The following SHISA6 variants were observed in gnomAD, a reference collection of about 807,000 sequenced individuals.
SHISA6 encodes protein shisa-6.
In SHISA6, 22 loss-of-function variants were observed where a neutral mutation model predicts 47.9. The ratio of observed to expected loss-of-function variants is 0.46; its 90% CI spans 0.33 to 0.66. The LOEUF (loss-of-function observed/expected upper bound fraction) is 0.66. Among genes scored for constraint, SHISA6 ranks in the 30% least tolerant of loss-of-function variants. The pLI is 0.02. For synonymous variants in SHISA6, 388 were observed against 337.8 expected, an observed-to-expected ratio of 1.15 and a Z score of -1.63; for missense variants, 680 against 764.6, an observed-to-expected ratio of 0.89 and a Z score of 1.30.
intron 2 of SHISA6, among the ~76,000 whole-genome samples, chr17:11,291,468 T>C (rs1385370388): frequency 6.6e-6 from 1 of 151,896 alleles, no homozygotes; most frequent in East Asian, 1.9e-4. Flanking sequence ...ACCCCGTCTC[T>C]ACTGAAAATA....
intron 3 of SHISA6, among the ~76,000 whole-genome samples, chr17:11,417,044 T>A (rs955250549): frequency 6.6e-6 from 1 of 152,200 alleles, no homozygotes; most frequent in Non-Finnish European, 1.5e-5. Context: ...AATAAAATTA[T>A]ATGAAATCTG....
At chr17:11,445,720 C>G (rs1915209295) in intron 3 of SHISA6, among the ~76,000 whole-genome samples, 1 of 152,198 alleles carries the variant, frequency 6.6e-6, no homozygotes, top group Non-Finnish European at 1.5e-5. Flanking sequence ...GAGGTAATAA[C>G]TACAAACAAA....
intron 1 of SHISA6, among the ~76,000 whole-genome samples, chr17:11,262,362 G>C (rs762225796): frequency 6.6e-6 from 1 of 152,146 alleles, no homozygotes; most frequent in African/African-American, 2.4e-5. Flanking sequence ...TGTGCAAAAC[G>C]GGAGTGCATT....
At chr17:11,434,488 C>G (rs969058887) in intron 3 of SHISA6, among the ~76,000 whole-genome samples, 17 of 152,146 alleles carry the variant, frequency 1.1e-4, no homozygotes, top group Non-Finnish European at 2.2e-4. Flanking sequence ...CATGATCTCC[C>G]CAGCCATTTG....
intron 2 of SHISA6, among the ~76,000 whole-genome samples, chr17:11,264,653 T>C (rs7216441): frequency 0.14 from 20,774 of 152,190 alleles, 1,990 homozygotes; most frequent in African/African-American, 0.27. Flanking sequence ...GGATGGGCAA[T>C]GTGATCTGAA....
chr17:11,379,427 G>C lies in SHISA6; in HGVS notation c.813G>C (p.Lys271Asn). 1 of 1,539,148 alleles carries C rather than the reference G, an allele frequency of 6.5e-7. No individual in the cohort carries two copies. The highest frequency in any genetic ancestry group is 8.8e-7 in the Non-Finnish European group (1 of 1,141,778). The change falls in exon 3 of 6, where the codon AAG becomes AAC. Residue 271 changes from lysine to asparagine, a missense_variant. Lys to Asn is a moderately conservative substitution (Grantham distance 94). This residue lies in a region of SHISA6 where 559 missense variants were observed against 674.1 expected (regional missense o/e 0.83). Transcript: ENST00000441885. Reference protein sequence around the residue: ...TAKQTPGHYGKDAYRSGGPDL... With the variant: ...TAKQTPGHYGNDAYRSGGPDL... ...ATCTTCTTGCAGGGCATTATGGGAA[G>C]GATGCTTACCGAAGTGGAGGACCTG...
rs1393395671 is a variant in SHISA6 at position 11,346,198 on chromosome 17, G to T, written c.800-33216G>T. On this transcript the variant is annotated intron_variant, in intron 2 of 5. Coordinates refer to ENST00000441885, the MANE Select transcript of SHISA6 (RefSeq NM_207386.4). ...GTCAGGTGCTTTTTCTGCATCTTTTGAGATAATCATATGGGTTTTTTGTTG... is the reference window on the plus strand; with the variant it reads ...GTCAGGTGCTTTTTCTGCATCTTTTTAGATAATCATATGGGTTTTTTGTTG... Among the ~76,000 whole-genome samples the T allele has an allele frequency of 3.3e-5, 5 of 152,170 alleles. No homozygotes were observed. In the East Asian group the frequency reaches 9.7e-4, roughly 29 times the overall value.
chr17:11,255,941 C>T (rs760937887), intron 1 of SHISA6, among the ~76,000 whole-genome samples: 2 of 152,246 alleles, frequency 1.3e-5, no homozygotes, highest in Admixed American at 6.5e-5. Flanking sequence ...GCCTCGTAAG[C>T]ACTTTACAAC....
At chr17:11,344,331 A>C (rs1335371414) in intron 2 of SHISA6, among the ~76,000 whole-genome samples, 1 of 152,180 alleles carries the variant, frequency 6.6e-6, no homozygotes, top group African/African-American at 2.4e-5. Context: ...AATATGATGA[A>C]ATACATTTTA....
intron 3 of SHISA6, among the ~76,000 whole-genome samples, chr17:11,521,834 C>G (rs1020568163): frequency 6.6e-6 from 1 of 152,086 alleles, no homozygotes; most frequent in African/African-American, 2.4e-5. Context: ...TAGACTATAT[C>G]TCTTATCTCT....
chr17:11,330,916 C>T (rs1481638747), intron 2 of SHISA6, among the ~76,000 whole-genome samples: 2 of 152,146 alleles, frequency 1.3e-5, no homozygotes, highest in Admixed American at 6.5e-5. Flanking sequence ...AAGTATCTCA[C>T]GTATAGTGAC....
chr17:11,549,484 G>A (rs1027180723), intron 3 of SHISA6, among the ~76,000 whole-genome samples: 1 of 152,266 alleles, frequency 6.6e-6, no homozygotes, highest in East Asian at 1.9e-4. Flanking sequence ...ATAGTGTCTG[G>A]CAAATGGTAG....
intron 2 of SHISA6, among the ~76,000 whole-genome samples, chr17:11,314,847 G>A (rs1009356698): frequency 8.6e-5 from 13 of 152,012 alleles, no homozygotes; most frequent in South Asian, 6.2e-4. Flanking sequence ...GCCCATGCTC[G>A]TTTTTTCAAT....
chr17:11,555,664 CAG>C (rs2071970815), intron 4 of SHISA6, 74 bp from the exon 5 acceptor site: 5 of 1,425,710 alleles, frequency 3.5e-6, no homozygotes, highest in East Asian at 2.6e-5. Flanking sequence ...GGATTCGAAT[CAG>C]GGGTGAGGCA....
intron 2 of SHISA6, among the ~76,000 whole-genome samples, chr17:11,368,688 G>T (rs1912532276): frequency 1.3e-5 from 2 of 152,050 alleles, no homozygotes; most frequent in Non-Finnish European, 2.9e-5. Context: ...ACAGAGTCTT[G>T]CTCTGTCGCC....
At position 11,259,717 on chromosome 17, in the gene SHISA6, A is replaced by G. The variant is rs373587258; in HGVS notation, c.639-3649A>G. ...AAATACATAATTGGTATTGAACTGA[A>G]TCACTCATTTACTAATTGTTTCTCC... On this transcript the variant is annotated intron_variant, in intron 1 of 5. Transcript: ENST00000441885. Among the ~76,000 whole-genome samples the G allele has an allele frequency of 1.4e-4, 22 of 152,380 alleles. No homozygotes were observed. The East Asian group carries it at 2.9e-3, about 20-fold the overall frequency.
At chr17:11,402,929 G>C (rs550130756) in intron 3 of SHISA6, among the ~76,000 whole-genome samples, 1 of 152,294 alleles carries the variant, frequency 6.6e-6, no homozygotes, top group South Asian at 2.1e-4. Flanking sequence ...TGCACACTGT[G>C]GAAATAATTC....
At chr17:11,379,561 C>T (rs970131648) in intron 3 of SHISA6, 52 bp downstream of exon 3, 11 of 1,283,572 alleles carry the variant, frequency 8.6e-6, no homozygotes, top group Non-Finnish European at 1.1e-5. Context: ...TAGGGAACGC[C>T]ATCTGAAATG....
At position 11,300,149 on chromosome 17, in the gene SHISA6, C is replaced by CAAAA. The variant is rs56060137; in HGVS notation, c.799+36636_799+36639dup. Among the ~76,000 whole-genome samples, 180 of 129,180 alleles carry CAAAA rather than the reference C, an allele frequency of 1.4e-3. 2 individuals are homozygous for CAAAA. Among genetic ancestry groups the CAAAA allele is most frequent in the Middle Eastern group, 4.3e-3 (1 of 234 alleles). 84.7% of individuals were successfully genotyped at this position (129,180 alleles called of 152,430 possible). A position where few individuals can be genotyped will look rare whatever the true frequency, so the allele number is the denominator to read the frequency against. ...GACAGAGCAAGACTCCATCTTAAAA[C>CAAAA]AAAAAAAAAAAAAAAAGAAAAACAA... On this transcript the variant is annotated intron_variant, in intron 2 of 5. Coordinates refer to ENST00000441885, the MANE Select transcript of SHISA6 (RefSeq NM_207386.4).
Sources: allele counts gnomAD v4.1 joint callset (sites outside exome capture counted in the v4.1 genomes callset), GRCh38; gene constraint gnomAD v4.1.1; regional missense constraint gnomAD v4.1.1; transcripts MANE v1.5; gene names NCBI Gene and HGNC (gene_info 2026-07-23, HGNC 2026-07-21).